Variants in TBCK observed in about 807,000 individuals in gnomAD.
TBCK encodes the protein TBC domain-containing protein kinase-like protein.
In TBCK, 99 loss-of-function variants were observed where a neutral mutation model predicts 113.4. That is an observed-to-expected ratio of 0.87 (90% CI 0.74 to 1.03). The LOEUF (loss-of-function observed/expected upper bound fraction) is 1.03, where lower values mean the gene tolerates loss of function less well. Among genes scored for constraint, TBCK ranks in the 50% least tolerant of loss-of-function variants. The pLI is 0.00. For synonymous variants in TBCK, 369 were observed against 370.8 expected (o/e 1.00, Z 0.05); for missense variants, 1,045 against 1,061.3 (o/e 0.98, Z 0.21).
chr4:106,146,674 G>A (rs1225613895), intron 23 of TBCK, among the ~76,000 whole-genome samples: 2 of 152,118 alleles, frequency 1.3e-5, no homozygotes, highest in African/African-American at 2.4e-5. Flanking sequence ...GCTGGTGGAC[G>A]GTCTTGCCTC....
rs13124778 is a variant in TBCK, at chr4:106,092,449, G to A, written c.2571+3033C>T. On this transcript the variant is annotated intron_variant, in intron 25 of 25. Coordinates refer to ENST00000394708, the MANE Select transcript of TBCK (RefSeq NM_001163435.3). ...TGGGACCAGGTGCTGTGAAGCAGGGGGCAGCACTCGTTGGGGAGTCTTGGG... is the reference window on the plus strand; with the variant it reads ...TGGGACCAGGTGCTGTGAAGCAGGGAGCAGCACTCGTTGGGGAGTCTTGGG... 7.5e-3 allele frequency among the ~76,000 whole-genome samples: 1,145 copies of A among 152,330 alleles called. 11 individuals are homozygous for A. The highest frequency in any genetic ancestry group is 0.011 in the Non-Finnish European group (724 of 68,026).
At chr4:106,192,806 C>A (rs1048438463) in intron 22 of TBCK, among the ~76,000 whole-genome samples, 1 of 151,850 alleles carries the variant, frequency 6.6e-6, no homozygotes. Flanking sequence ...GGTTTTCAGG[C>A]AAATTTGATT....
chr4:106,235,048 A>G (rs577227024), intron 15 of TBCK, among the ~76,000 whole-genome samples: 25 of 152,260 alleles, frequency 1.6e-4, no homozygotes, highest in Admixed American at 1.4e-3. Flanking sequence ...CCACTATTAA[A>G]TGAAACATTA....
chr4:106,122,062 T>C (rs1305306382), intron 23 of TBCK, among the ~76,000 whole-genome samples: 7 of 152,136 alleles, frequency 4.6e-5, no homozygotes, highest in Non-Finnish European at 1.0e-4. Context: ...GAAAAAACCC[T>C]TCAAAAAATT....
intron 23 of TBCK, among the ~76,000 whole-genome samples, chr4:106,133,971 C>G (rs1746260614): frequency 6.6e-6 from 1 of 151,886 alleles, no homozygotes; most frequent in African/African-American, 2.4e-5. Context: ...GATCATGCCA[C>G]TGCACTCCAG....
chr4:106,225,851 G>A (rs944112348), intron 19 of TBCK, among the ~76,000 whole-genome samples: 1 of 151,756 alleles, frequency 6.6e-6, no homozygotes, highest in African/African-American at 2.4e-5. Flanking sequence ...TTGCATATCT[G>A]TATAGTATGC....
At chr4:106,315,792 C>T (rs1233106546) in intron 1 of TBCK, 139 bp downstream of exon 1, 1 of 152,288 alleles carries the variant, frequency 6.6e-6, no homozygotes, top group African/African-American at 2.4e-5. Flanking sequence ...GAGACAGTAC[C>T]TATCAGCAAG....
chr4:106,315,971 G>T lies in TBCK; in HGVS notation c.-70C>A, dbSNP rs188526371. 6.5e-6 allele frequency: 1 copy of T among 152,718 alleles called. No individual in the cohort carries two copies. Among genetic ancestry groups the T allele is most frequent in the East Asian group, 1.9e-4 (1 of 5,190 alleles). The allele number at this position is 152,718 out of a possible 1,614,324, so 9.5% of individuals were successfully genotyped here. On this transcript the variant is annotated 5_prime_UTR_variant, in exon 1 of 26. Coordinates refer to ENST00000394708, the MANE Select transcript of TBCK (RefSeq NM_001163435.3). Reference sequence around the variant, plus strand: ...CGCAGGCAAGCACAAAGACAAGGGGGATGGAGCTTCTACACAGGGCCCCAG... The same window carrying T: ...CGCAGGCAAGCACAAAGACAAGGGGTATGGAGCTTCTACACAGGGCCCCAG...
intron 23 of TBCK, among the ~76,000 whole-genome samples, chr4:106,142,560 A>G (rs1747257361): frequency 6.6e-6 from 1 of 152,178 alleles, no homozygotes; most frequent in Non-Finnish European, 1.5e-5. Context: ...CTAGGATTTT[A>G]AAATCAGTAG....
intron 25 of TBCK, among the ~76,000 whole-genome samples, chr4:106,051,613 A>AG (rs1321659913): frequency 1.3e-5 from 2 of 151,598 alleles, no homozygotes; most frequent in Non-Finnish European, 2.9e-5. Flanking sequence ...TGGAATGCTT[A>AG]ATATGACACA....
intron 20 of TBCK, among the ~76,000 whole-genome samples, chr4:106,196,543 T>C (rs1754259756): frequency 6.6e-6 from 1 of 151,978 alleles, no homozygotes; most frequent in African/African-American, 2.4e-5. Context: ...TCAAGAACTT[T>C]ATAAGTATAT....
chr4:106,124,849 T>G (rs569629937), intron 23 of TBCK, among the ~76,000 whole-genome samples: 2 of 149,368 alleles, frequency 1.3e-5, no homozygotes, highest in African/African-American at 2.5e-5. Context: ...TGGGGACTGT[T>G]GTGGGCTGGG....
At chr4:106,268,201 A>T (rs553706575) in intron 3 of TBCK, among the ~76,000 whole-genome samples, 43 of 151,978 alleles carry the variant, frequency 2.8e-4, no homozygotes, top group Non-Finnish European at 5.2e-4. Flanking sequence ...CATTTCAATA[A>T]TTTTTTGCAA....
intron 25 of TBCK, among the ~76,000 whole-genome samples, chr4:106,054,756 T>C (rs1161780267): frequency 6.6e-6 from 1 of 151,698 alleles, no homozygotes; most frequent in African/African-American, 2.4e-5. Context: ...TGCTAGGGAC[T>C]GGTTAAGCTG....
At chr4:106,248,690 T>C (rs182427820) in intron 8 of TBCK, among the ~76,000 whole-genome samples, 14 of 152,314 alleles carry the variant, frequency 9.2e-5, no homozygotes, top group Non-Finnish European at 1.2e-4. Flanking sequence ...CTTATAAAGG[T>C]GAGACCTCAC....
chr4:106,149,899 A>G (rs981025286), intron 23 of TBCK, among the ~76,000 whole-genome samples: 3 of 152,248 alleles, frequency 2.0e-5, no homozygotes, highest in African/African-American at 7.2e-5. Flanking sequence ...TCTAAGTTGA[A>G]GTAATGGGTT....
chr4:106,116,676 C>T (rs985324909), intron 23 of TBCK, among the ~76,000 whole-genome samples: 3 of 152,078 alleles, frequency 2.0e-5, no homozygotes. Context: ...CCGAGCTCCG[C>T]CTCCTGTCAG....
At chr4:106,293,869 A>T (rs918042102) in intron 3 of TBCK, among the ~76,000 whole-genome samples, 1 of 152,198 alleles carries the variant, frequency 6.6e-6, no homozygotes, top group Non-Finnish European at 1.5e-5. Context: ...TCGTGGCAAG[A>T]TGTTTTATTG....
At chr4:106,054,893 T>C (rs1035851156) in intron 25 of TBCK, among the ~76,000 whole-genome samples, 3 of 151,654 alleles carry the variant, frequency 2.0e-5, no homozygotes, top group Non-Finnish European at 4.4e-5. Context: ...CCAACTCTTG[T>C]ATGAGTTGAA....
Sources: gnomAD v4.1 joint callset for allele counts (sites outside exome capture counted in the v4.1 genomes callset) on GRCh38, gnomAD v4.1.1 for gene constraint, MANE v1.5 for transcripts, NCBI Gene and HGNC (gene_info 2026-07-23, HGNC 2026-07-21) for gene names.